The following ABCA13 variants were observed in gnomAD, a reference collection of about 807,000 sequenced individuals.
The protein encoded by ABCA13 is ATP-binding cassette sub-family A member 13.
A neutral mutation model predicts 478.7 loss-of-function variants in ABCA13; 476 were observed. The ratio of observed to expected loss-of-function variants is 0.99; its 90% CI spans 0.92 to 1.07. The LOEUF (loss-of-function observed/expected upper bound fraction) is 1.07. Ranked by LOEUF, ABCA13 falls within the 50% of genes least tolerant of loss-of-function variation. ABCA13 has a pLI of 0.00. For missense variants in ABCA13, 6,060 were observed against 5,910.6 expected, an observed-to-expected ratio of 1.03 and a Z score of -0.83; for synonymous variants, 2,252 against 2,158.9, an observed-to-expected ratio of 1.04 and a Z score of -1.20.
chr7:48,358,407 C>T (rs966143507), intron 31 of ABCA13, among the ~76,000 whole-genome samples: 1 of 151,618 alleles, frequency 6.6e-6, no homozygotes, highest in Non-Finnish European at 1.5e-5. Context: ...ATGTTTAGTG[C>T]CTAAGGGCCA....
chr7:48,260,020 T>G (rs1426552484), intron 15 of ABCA13, among the ~76,000 whole-genome samples: 4 of 152,116 alleles, frequency 2.6e-5, no homozygotes, highest in African/African-American at 4.8e-5. Context: ...CCTGTATCAT[T>G]GCCTTATATT....
chr7:48,248,479 T>C (rs760456567), intron 14 of ABCA13, 35 bp downstream of exon 14: 20 of 1,484,598 alleles, frequency 1.3e-5, no homozygotes, highest in Middle Eastern at 3.6e-4. Flanking sequence ...TTATAAACAA[T>C]TGGGACATCA....
At chr7:48,298,104 A>G (rs1157203563) in intron 22 of ABCA13, among the ~76,000 whole-genome samples, 2 of 152,150 alleles carry the variant, frequency 1.3e-5, no homozygotes, top group Non-Finnish European at 2.9e-5. Context: ...TTTCTAAAGT[A>G]AATGTTCTTA....
chr7:48,171,652 ACACTCATG>A, intron 1 of ABCA13, 100 bp downstream of exon 1: 1 of 1,309,702 alleles, frequency 7.6e-7, no homozygotes, highest in Non-Finnish European at 1.1e-6. Context: ...GCAGGTAAAA[ACACTCATG>A]CTGCAGGGAA....
At position 48,178,302 on chromosome 7, in the gene ABCA13, A is replaced by G. The variant is rs553569875; in HGVS notation, c.69+6750A>G. Among the ~76,000 whole-genome samples the G allele has an allele frequency of 1.9e-4, 29 of 152,350 alleles. No individual in the cohort carries two copies. In the East Asian group the frequency reaches 4.6e-3, roughly 24 times the overall value. The stretch of plus-strand genomic sequence containing the variant: ...GCAGTGAGGGAACACTTGCAGTGAA[A>G]GCATCTCAGTGTTTCTTTAAGAGTC... On this transcript the variant is annotated intron_variant, in intron 1 of 61. Transcript: ENST00000435803.
chr7:48,470,710 T>C (rs1827394154), intron 44 of ABCA13, among the ~76,000 whole-genome samples: 1 of 152,234 alleles, frequency 6.6e-6, no homozygotes, highest in Admixed American at 6.5e-5. Flanking sequence ...GGTGTTATCA[T>C]ACTGGCTTTC....
At chr7:48,249,959 A>T (rs1407558728) in intron 15 of ABCA13, among the ~76,000 whole-genome samples, 1 of 152,122 alleles carries the variant, frequency 6.6e-6, no homozygotes, top group Admixed American at 6.6e-5. Context: ...GTCCCACAAG[A>T]TTGCCCCTAC....
chr7:48,411,435 G>A (rs1248376338), intron 40 of ABCA13, among the ~76,000 whole-genome samples: 1 of 151,852 alleles, frequency 6.6e-6, no homozygotes, highest in Non-Finnish European at 1.5e-5. Context: ...AGCCTCCCGA[G>A]TAGCTGGGAC....
Position 48,481,182 on chromosome 7 carries a change from T to C in ABCA13, c.13094+28T>C, listed in dbSNP as rs752561943. The C allele has an allele frequency of 8.7e-6, 13 of 1,497,478 alleles. No homozygotes were observed. In the South Asian group the frequency reaches 1.3e-4, roughly 15 times the overall value. 92.8% of individuals were successfully genotyped at this position (1,497,478 alleles called of 1,614,324 possible). A position where few individuals can be genotyped will look rare whatever the true frequency, so the allele number is the denominator to read the frequency against. On this transcript the variant is annotated intron_variant, in intron 46 of 61. Coordinates refer to ENST00000435803, the MANE Select transcript of ABCA13 (RefSeq NM_152701.5). ...GTGTTCAATACTCTTGTTGGGTCTTTACTTGTTTGGATTACTATGGAAAAC... is the reference window on the plus strand; with the variant it reads ...GTGTTCAATACTCTTGTTGGGTCTTCACTTGTTTGGATTACTATGGAAAAC...
chr7:48,171,657 C>T, intron 1 of ABCA13, 105 bp downstream of exon 1: 1 of 1,268,256 alleles, frequency 7.9e-7, no homozygotes, highest in East Asian at 2.5e-5. Flanking sequence ...TAAAAACACT[C>T]ATGCTGCAGG....
intron 35 of ABCA13, among the ~76,000 whole-genome samples, chr7:48,381,673 C>T (rs997760570): frequency 3.3e-5 from 5 of 152,120 alleles, no homozygotes; most frequent in South Asian, 2.1e-4. Flanking sequence ...TGATTCTGCT[C>T]GATCTGTCTA....
chr7:48,632,708 T>C (rs1794266399), intron 59 of ABCA13, among the ~76,000 whole-genome samples: 1 of 152,138 alleles, frequency 6.6e-6, no homozygotes, highest in African/African-American at 2.4e-5. Context: ...AACCCTGGGC[T>C]TTATGGTCAA....
At chr7:48,257,294 C>T (rs1054659985) in intron 15 of ABCA13, among the ~76,000 whole-genome samples, 3 of 152,198 alleles carry the variant, frequency 2.0e-5, no homozygotes, top group African/African-American at 7.2e-5. Context: ...CCTTTTATTT[C>T]TTTCTCTTGC....
chr7:48,480,548 C>T (rs1178437902), intron 45 of ABCA13, among the ~76,000 whole-genome samples: 1 of 152,236 alleles, frequency 6.6e-6, no homozygotes, highest in African/African-American at 2.4e-5. Context: ...ATCACCTCCT[C>T]CTACCTTGTT....
intron 5 of ABCA13, among the ~76,000 whole-genome samples, chr7:48,225,119 G>A (rs1490677753): frequency 1.0e-5 from 1 of 99,886 alleles, no homozygotes; most frequent in African/African-American, 3.6e-5. Context: ...GTGCCTGCCT[G>A]CCTGCCTGCC....
At chr7:48,193,584 A>G (rs138119997) in intron 2 of ABCA13, among the ~76,000 whole-genome samples, 2,947 of 147,356 alleles carry the variant, frequency 0.02, 89 homozygotes, top group African/African-American at 0.07. Context: ...AGATGATAGT[A>G]ATGAAGATGA....
At position 48,278,980 on chromosome 7, in the gene ABCA13, G is replaced by A; in HGVS notation, c.7786G>A (p.Asp2596Asn). 1 of 1,613,338 alleles carries A rather than the reference G, an allele frequency of 6.2e-7. No individual in the cohort carries two copies. The highest frequency in any genetic ancestry group is 2.2e-5 in the East Asian group (1 of 44,854). The change falls in exon 18 of 62, where the codon GAC (aspartate) becomes AAC (asparagine). Residue 2596 changes from aspartate (D) to asparagine (N), a missense_variant. Around this residue, in one of 3 missense-constraint regions of ABCA13, gnomAD observed 4,423 missense variants for 4,309.1 expected, o/e 1.03. Coordinates refer to ENST00000435803, the MANE Select transcript of ABCA13 (RefSeq NM_152701.5). ...AAATGATTTGTTGGTGCCATTTCTT[G>A]ACTTGGCCTTTGAAATGATTGGGGT... ...KINDLLVPFLDLAFEMIGVEP... is the reference protein window; with the variant it reads ...KINDLLVPFLNLAFEMIGVEP...
intron 3 of ABCA13, among the ~76,000 whole-genome samples, chr7:48,200,138 G>C (rs982017652): frequency 6.6e-6 from 1 of 152,170 alleles, no homozygotes; most frequent in African/African-American, 2.4e-5. Flanking sequence ...GCCGAGGCGG[G>C]CAGATCACCT....
chr7:48,597,772 A>AT (rs968072243), intron 58 of ABCA13, among the ~76,000 whole-genome samples: 1 of 152,106 alleles, frequency 6.6e-6, no homozygotes, highest in African/African-American at 2.4e-5. Flanking sequence ...TCCATCCTCC[A>AT]TTTTTTAAAA....
Sources: allele counts gnomAD v4.1 joint callset (sites outside exome capture counted in the v4.1 genomes callset), GRCh38; gene constraint gnomAD v4.1.1; regional missense constraint gnomAD v4.1.1; transcripts MANE v1.5; gene names NCBI Gene and HGNC (gene_info 2026-07-23, HGNC 2026-07-21).